The following APBB2 variants were observed in gnomAD, a reference collection of about 807,000 sequenced individuals.
APBB2 encodes amyloid beta precursor protein binding family B member 2.
A neutral mutation model predicts 82.5 loss-of-function variants in APBB2; 38 were observed. The ratio of observed to expected loss-of-function variants is 0.46; its 90% CI spans 0.36 to 0.60. The LOEUF (loss-of-function observed/expected upper bound fraction) is 0.60, where lower values mean the gene tolerates loss of function less well. APBB2 is among the 20% of genes least tolerant of loss of function. The pLI is 0.00. For missense variants in APBB2, 772 were observed against 972.3 expected, an observed-to-expected ratio of 0.79 and a Z score of 2.74; for synonymous variants, 341 against 368.2, an observed-to-expected ratio of 0.93 and a Z score of 0.85.
intron 6 of APBB2, among the ~76,000 whole-genome samples, chr4:40,981,218 C>A (rs1289009223): frequency 6.6e-6 from 1 of 151,992 alleles, no homozygotes; most frequent in East Asian, 1.9e-4. Context: ...TCCTGGCCAA[C>A]ATGGTAAAAC....
intron 6 of APBB2, among the ~76,000 whole-genome samples, chr4:41,010,273 T>G (rs1357329589): frequency 6.6e-6 from 1 of 152,238 alleles, no homozygotes; most frequent in Non-Finnish European, 1.5e-5. Context: ...AATACATTTT[T>G]TCGAGCATAT....
intron 1 of APBB2, among the ~76,000 whole-genome samples, chr4:41,159,715 A>G: frequency 6.6e-6 from 1 of 151,994 alleles, no homozygotes; most frequent in Non-Finnish European, 1.5e-5. Flanking sequence ...AGAAAAAGCA[A>G]AGGGATGTGA....
At chr4:41,003,593 AG>A (rs1805824285) in intron 6 of APBB2, among the ~76,000 whole-genome samples, 1 of 150,788 alleles carries the variant, frequency 6.6e-6, no homozygotes, top group Admixed American at 6.6e-5. Context: ...GTGAAAACAG[AG>A]GTACAGCTAC....
intron 5 of APBB2, among the ~76,000 whole-genome samples, chr4:41,030,087 CGAAGGTTGCAGTGAG>C (rs990905921): frequency 2.6e-5 from 4 of 152,080 alleles, no homozygotes; most frequent in Non-Finnish European, 5.9e-5. Flanking sequence ...ACCCGGGGGG[CGAAGGTTGCAGTGAG>C]CTGAGGTCGC....
chr4:41,210,353 C>A (rs1441472529), intron 1 of APBB2, among the ~76,000 whole-genome samples: 2 of 152,166 alleles, frequency 1.3e-5, no homozygotes, highest in Non-Finnish European at 2.9e-5. Context: ...AGAGACATAA[C>A]TGACTTTTTC....
At chr4:40,828,040 T>G (rs1192571379) in intron 13 of APBB2, among the ~76,000 whole-genome samples, 1 of 152,166 alleles carries the variant, frequency 6.6e-6, no homozygotes, top group African/African-American at 2.4e-5. Context: ...CCTGCTGCCA[T>G]GTAAGACGTG....
intron 6 of APBB2, among the ~76,000 whole-genome samples, chr4:40,976,321 G>T (rs528961010): frequency 7.2e-5 from 11 of 152,204 alleles, no homozygotes; most frequent in African/African-American, 2.2e-4. Flanking sequence ...GTTTAAAATG[G>T]TGCTTATTTT....
chr4:41,104,897 A>G (rs968135976), intron 2 of APBB2, among the ~76,000 whole-genome samples: 5 of 152,190 alleles, frequency 3.3e-5, no homozygotes, highest in Admixed American at 6.5e-5. Flanking sequence ...TCTCCAGTCC[A>G]CTGTCAAGGG....
intron 4 of APBB2, among the ~76,000 whole-genome samples, chr4:41,036,168 T>C (rs2154444561): frequency 6.6e-6 from 1 of 152,026 alleles, no homozygotes; most frequent in South Asian, 2.1e-4. Flanking sequence ...TAAAAAATAA[T>C]TAAAAAATAA....
intron 2 of APBB2, among the ~76,000 whole-genome samples, chr4:41,117,450 G>C (rs898317658): frequency 1.3e-5 from 2 of 151,774 alleles, no homozygotes; most frequent in Non-Finnish European, 2.9e-5. Context: ...CCACCACCAC[G>C]CCCAGCTAAT....
intron 12 of APBB2, among the ~76,000 whole-genome samples, chr4:40,858,009 T>A (rs1761830628): frequency 6.6e-6 from 1 of 152,164 alleles, no homozygotes; most frequent in African/African-American, 2.4e-5. Flanking sequence ...AGTACACCCC[T>A]ACACCCTTTT....
intron 1 of APBB2, among the ~76,000 whole-genome samples, chr4:41,205,585 CA>C (rs1777729535): frequency 6.6e-6 from 1 of 152,094 alleles, no homozygotes; most frequent in African/African-American, 2.4e-5. Flanking sequence ...ACTAGAAAAA[CA>C]CAAAAACTAT....
intron 2 of APBB2, among the ~76,000 whole-genome samples, chr4:41,139,992 T>C (rs1758648057): frequency 6.6e-6 from 1 of 152,194 alleles, no homozygotes; most frequent in East Asian, 1.9e-4. Flanking sequence ...AAACTGGCAG[T>C]AGAAGTCACA....
intron 12 of APBB2, among the ~76,000 whole-genome samples, chr4:40,870,734 CT>C (rs34591003): frequency 2.5e-3 from 333 of 130,592 alleles, no homozygotes; most frequent in Non-Finnish European, 2.8e-3. Context: ...TATACACACT[CT>C]TTTTTTTTTT....
intron 2 of APBB2, among the ~76,000 whole-genome samples, chr4:41,111,904 C>T (rs1486779091): frequency 2.6e-5 from 4 of 152,058 alleles, no homozygotes; most frequent in East Asian, 1.9e-4. Flanking sequence ...AGAAAGAATC[C>T]GTTCAGTTGG....
chr4:41,177,859 T>C (rs1292985753), intron 1 of APBB2, among the ~76,000 whole-genome samples: 1 of 152,114 alleles, frequency 6.6e-6, no homozygotes, highest in Non-Finnish European at 1.5e-5. Flanking sequence ...TACTTACCGG[T>C]TGAGCATCCA....
chr4:40,941,990 T>A (rs986628185), intron 7 of APBB2, among the ~76,000 whole-genome samples: 2 of 152,146 alleles, frequency 1.3e-5, no homozygotes, highest in African/African-American at 4.8e-5. Flanking sequence ...GGACTGTAAA[T>A]ATTTGATTTC....
chr4:40,990,649 A>G (rs1801765091), intron 6 of APBB2, among the ~76,000 whole-genome samples: 2 of 152,210 alleles, frequency 1.3e-5, no homozygotes, highest in Non-Finnish European at 2.9e-5. Context: ...CTTCACCCCA[A>G]CGTAACCCAG....
chr4:41,141,597 A>G (rs1157415548), intron 2 of APBB2, among the ~76,000 whole-genome samples: 1 of 152,202 alleles, frequency 6.6e-6, no homozygotes, highest in Non-Finnish European at 1.5e-5. Flanking sequence ...CCCTCCAAAG[A>G]TGGTTGTGAC....
Sources: allele counts gnomAD v4.1 joint callset (sites outside exome capture counted in the v4.1 genomes callset), GRCh38; gene constraint gnomAD v4.1.1; transcripts MANE v1.5; gene names NCBI Gene and HGNC (gene_info 2026-07-23, HGNC 2026-07-21).